Variants in CNGA3 observed in about 807,000 individuals in gnomAD.
CNGA3 encodes cyclic nucleotide-gated channel alpha-3.
In CNGA3, 42 loss-of-function variants were observed where a neutral mutation model predicts 46.6. That is an observed-to-expected ratio of 0.90 (90% CI 0.70 to 1.17). The LOEUF (loss-of-function observed/expected upper bound fraction) is 1.17. Ranked by LOEUF, CNGA3 falls within the 50% of genes most tolerant of loss-of-function variation. The pLI is 0.00. For synonymous variants in CNGA3, 394 were observed against 369.4 expected, an observed-to-expected ratio of 1.07 and a Z score of -0.76; for missense variants, 893 against 890.7, an observed-to-expected ratio of 1.00 and a Z score of -0.03.
chr2:98,357,450 C>T (rs1224833953), intron 1 of CNGA3, among the ~76,000 whole-genome samples: 2 of 152,214 alleles, frequency 1.3e-5, no homozygotes, highest in African/African-American at 2.4e-5. Flanking sequence ...TAAGGATTTC[C>T]TCCCCATCCT....
chr2:98,380,423 T>C (rs1293253378), intron 4 of CNGA3, 69 bp downstream of exon 4: 2 of 1,554,450 alleles, frequency 1.3e-6, no homozygotes, highest in African/African-American at 2.7e-5. Flanking sequence ...TGTGCTTTGC[T>C]CCATCCTGTT....
In CNGA3 at chr2:98,398,584, G is replaced by A. The variant is rs1692978249; in HGVS notation, c.*1329G>A. ...TTCATATTTGCACAGGAAAAATAAA[G>A]ACCTGGATTTAAAAATAGGAATGAC... is the stretch of plus-strand genomic sequence containing the variant. On this transcript the variant is annotated 3_prime_UTR_variant, in exon 8 of 8. Coordinates refer to ENST00000272602, the MANE Select transcript of CNGA3 (RefSeq NM_001298.3). The A allele has an allele frequency of 3.3e-5, 5 of 151,990 alleles. No homozygotes were observed. Among genetic ancestry groups the A allele is most frequent in the Admixed American group, 3.3e-4 (5 of 15,264 alleles). The allele number at this position is 151,990 out of a possible 1,614,324, so 9.4% of individuals were successfully genotyped here. A position where few individuals can be genotyped will look rare whatever the true frequency, so the allele number is the denominator to read the frequency against.
intron 1 of CNGA3, among the ~76,000 whole-genome samples, chr2:98,354,274 G>A (rs1259472611): frequency 6.6e-6 from 1 of 152,114 alleles, no homozygotes; most frequent in Non-Finnish European, 1.5e-5. Context: ...GGTTGAATCT[G>A]CAGATGCAGA....
At chr2:98,364,557 A>G (rs907039983) in intron 1 of CNGA3, among the ~76,000 whole-genome samples, 3 of 151,820 alleles carry the variant, frequency 2.0e-5, no homozygotes, top group Non-Finnish European at 4.4e-5. Context: ...ATGGGTCTTG[A>G]CTCCTTATCG....
chr2:98,351,652 G>A (rs1691773002), intron 1 of CNGA3, among the ~76,000 whole-genome samples: 1 of 152,118 alleles, frequency 6.6e-6, no homozygotes, highest in Non-Finnish European at 1.5e-5. Flanking sequence ...TTATTGAAAA[G>A]ATAAAATGAG....
At chr2:98,370,117 T>G in intron 2 of CNGA3, 41 bp downstream of exon 2, 5 of 1,473,840 alleles carry the variant, frequency 3.4e-6, no homozygotes, top group Non-Finnish European at 4.7e-6. Flanking sequence ...TATGCCTGGC[T>G]CTGGTCATTT....
intron 2 of CNGA3, among the ~76,000 whole-genome samples, chr2:98,375,376 A>G (rs2104191079): frequency 6.6e-6 from 1 of 152,332 alleles, no homozygotes; most frequent in East Asian, 1.9e-4. Context: ...TCTTCCAGGC[A>G]CACAGGCTGT....
chr2:98,367,176 C>CTTCTTTTT (rs1692176469), intron 1 of CNGA3, among the ~76,000 whole-genome samples: 1 of 115,528 alleles, frequency 8.7e-6, no homozygotes, highest in African/African-American at 3.2e-5. Context: ...TGTTTTTTTT[C>CTTCTTTTT]TTTTTTTTCT....
intron 2 of CNGA3, among the ~76,000 whole-genome samples, chr2:98,373,442 C>A (rs1347155142): frequency 6.6e-6 from 1 of 152,150 alleles, no homozygotes; most frequent in Non-Finnish European, 1.5e-5. Flanking sequence ...TGGAAACCTG[C>A]GTGTGGGTAT....
In CNGA3 at chr2:98,389,828, C is replaced by T. The variant is rs1055121240; in HGVS notation, c.566+54C>T. 35 of 1,458,694 alleles carry T rather than the reference C, an allele frequency of 2.4e-5. No homozygotes were observed. In the East Asian group the frequency reaches 7.7e-4, roughly 32 times the overall value. The allele number at this position is 1,458,694 out of a possible 1,614,324, so 90.4% of individuals were successfully genotyped here. A position where few individuals can be genotyped will look rare whatever the true frequency, so the allele number is the denominator to read the frequency against. ...GAAAGGGGGAAACCAGGGCACCAGG[C>T]CCAGGAGCCAGAGCTCCACCTCTCC... On this transcript the variant is annotated intron_variant, in intron 6 of 7. Coordinates refer to ENST00000272602, the MANE Select transcript of CNGA3 (RefSeq NM_001298.3).
intron 4 of CNGA3, among the ~76,000 whole-genome samples, chr2:98,381,761 G>A (rs934438696): frequency 1.3e-5 from 2 of 152,262 alleles, no homozygotes; most frequent in Admixed American, 6.5e-5. Context: ...AGGCCTGGGC[G>A]CTGGCCCAGA....
intron 3 of CNGA3, among the ~76,000 whole-genome samples, chr2:98,379,140 G>C (rs3769749): frequency 0.21 from 32,454 of 152,246 alleles, 4,246 homozygotes; most frequent in Admixed American, 0.41. Context: ...GTCTGCGGCA[G>C]AGAGACTGGG....
At chr2:98,348,147 T>C (rs1301100637) in intron 1 of CNGA3, among the ~76,000 whole-genome samples, 2 of 152,192 alleles carry the variant, frequency 1.3e-5, no homozygotes, top group Non-Finnish European at 2.9e-5. Flanking sequence ...CTCCCCCTGC[T>C]TCGCACCAAT....
At position 98,380,318 on chromosome 2, in the gene CNGA3, A is replaced by C; in HGVS notation, c.359A>C (p.Asn120Thr). 1 of 1,614,186 alleles carries C rather than the reference A, an allele frequency of 6.2e-7. No individual in the cohort carries two copies. The highest frequency in any genetic ancestry group is 8.5e-7 in the Non-Finnish European group (1 of 1,180,028). Reference sequence around the variant, plus strand: ...AGCCAAGAAAGCAATGCCCAGGCAAATGTGGGCAGCCAGGAGCCAGCAGAC... The same window carrying C: ...AGCCAAGAAAGCAATGCCCAGGCAACTGTGGGCAGCCAGGAGCCAGCAGAC... ...VSSQESNAQA[N>T]VGSQEPADRG... Residue 120 changes from asparagine to threonine, a missense_variant, in exon 4 of 8, where the codon AAT becomes ACT. By Grantham distance (65) the Asn-to-Thr change is moderately conservative. Around this residue, in one of 3 missense-constraint regions of CNGA3, gnomAD observed 333 missense variants for 290.8 expected, o/e 1.15. Transcript: ENST00000272602.
At chr2:98,383,726 T>C (rs764592568) in intron 5 of CNGA3, among the ~76,000 whole-genome samples, 7 of 152,188 alleles carry the variant, frequency 4.6e-5, no homozygotes, top group South Asian at 2.1e-4. Context: ...CTTTAAGCTT[T>C]AGCACTCTAT....
chr2:98,348,575 A>T (rs976482505), intron 1 of CNGA3, among the ~76,000 whole-genome samples: 2 of 151,932 alleles, frequency 1.3e-5, no homozygotes, highest in African/African-American at 4.8e-5. Context: ...TTCCTCCCTC[A>T]TTCCCACAGC....
In CNGA3 at chr2:98,370,092, A is replaced by G. The variant is rs1455318902; in HGVS notation, c.101+16A>G. On this transcript the variant is annotated intron_variant, in intron 2 of 7. Coordinates refer to ENST00000272602, the MANE Select transcript of CNGA3 (RefSeq NM_001298.3). Reference sequence around the variant, plus strand: ...GCCTCAGCAGGTAAGATGGGCTAAGATGGGCTTTTCATTTTATGCCTGGCT... The same window carrying G: ...GCCTCAGCAGGTAAGATGGGCTAAGGTGGGCTTTTCATTTTATGCCTGGCT... 1.9e-6 allele frequency: 3 copies of G among 1,583,608 alleles called. No individual in the cohort carries two copies. The Admixed American group carries it at 5.0e-5, about 27-fold the overall frequency.
intron 1 of CNGA3, among the ~76,000 whole-genome samples, chr2:98,358,537 T>C (rs1009105837): frequency 2.0e-5 from 3 of 152,190 alleles, no homozygotes; most frequent in Admixed American, 6.5e-5. Context: ...CAGTAGTAGA[T>C]AACATTTTAA....
At chr2:98,378,184 G>A (rs1316375364) in intron 3 of CNGA3, 2 of 1,550,580 alleles carry the variant, frequency 1.3e-6, no homozygotes, top group Non-Finnish European at 1.7e-6. Context: ...AAATGGCTCT[G>A]GCAGGGTCTC....
Sources: gnomAD v4.1 joint callset for allele counts (sites outside exome capture counted in the v4.1 genomes callset) on GRCh38, gnomAD v4.1.1 for gene constraint, gnomAD v4.1.1 regional missense constraint, MANE v1.5 for transcripts, NCBI Gene and HGNC (gene_info 2026-07-23, HGNC 2026-07-21) for gene names.